Variants in DBNL observed in about 807,000 individuals in gnomAD.
The protein encoded by DBNL is drebrin-like protein.
In DBNL, 35 loss-of-function variants were observed where a neutral mutation model predicts 62.2. The ratio of observed to expected loss-of-function variants is 0.56; its 90% CI spans 0.43 to 0.75. The LOEUF (loss-of-function observed/expected upper bound fraction) is 0.75. Ranked by LOEUF, DBNL falls within the 30% of genes least tolerant of loss-of-function variation. DBNL has a pLI of 0.00. For synonymous variants in DBNL, 197 were observed against 218.0 expected (o/e 0.90, Z 0.85); for missense variants, 495 against 578.4 (o/e 0.86, Z 1.48).
At chr7:44,057,586 G>A (rs1367545929) in intron 5 of DBNL, among the ~76,000 whole-genome samples, 196 bp from the exon 6 acceptor site, 1 of 152,184 alleles carries the variant, frequency 6.6e-6, no homozygotes, top group Non-Finnish European at 1.5e-5. Flanking sequence ...TTGGGGCAGT[G>A]TCCTGGGCTT....
rs1276761172 is a variant in DBNL, at chr7:44,063,022, G to C, written c.*2106G>C. ...GTGACCTTTATGGTCCACAGAGCCA[G>C]TTCCCCTGGCACCAATTCCTTCCCA... On this transcript the variant is annotated 3_prime_UTR_variant, in exon 13 of 13. Transcript: ENST00000448521. 1.5e-6 allele frequency: 2 copies of C among 1,374,178 alleles called. No individual in the cohort carries two copies. Among genetic ancestry groups the C allele is most frequent in the Non-Finnish European group, 2.1e-6 (2 of 964,528 alleles). 85.1% of individuals were successfully genotyped at this position (1,374,178 alleles called of 1,614,324 possible).
Position 44,064,793 on chromosome 7 carries a change from G to GGGCCCCCCCCCCCCCCC in DBNL, c.*3877_*3878insGGCCCCCCCCCCCCCCC. On this transcript the variant is annotated 3_prime_UTR_variant, in exon 13 of 13. Coordinates refer to ENST00000448521, the MANE Select transcript of DBNL (RefSeq NM_001014436.3). ...AGATGAGAAGCCAGCTGGGGCTGCTGCCCACCCACCCTGCCCAGGCTCCTG... is the reference window on the plus strand; with the variant it reads ...AGATGAGAAGCCAGCTGGGGCTGCTGGGCCCCCCCCCCCCCCCCCCACCCACCCTGCCCAGGCTCCTG... 1.4e-5 allele frequency: 16 copies of GGGCCCCCCCCCCCCCCC among 1,136,952 alleles called. No individual in the cohort carries two copies. The highest frequency in any genetic ancestry group is 2.8e-4 in the Middle Eastern group (1 of 3,618). 70.4% of individuals were successfully genotyped at this position (1,136,952 alleles called of 1,614,324 possible).
chr7:44,044,897 G>T lies in DBNL; in HGVS notation c.83+77G>T, dbSNP rs577568977. ...TCTGTCTGGGGCGAGCGGGGGACTCGGGGGGAGCGGGAGCGCGAGCGCGGA... is the reference window on the plus strand; with the variant it reads ...TCTGTCTGGGGCGAGCGGGGGACTCTGGGGGAGCGGGAGCGCGAGCGCGGA... On this transcript the variant is annotated intron_variant, in intron 1 of 12. Transcript: ENST00000448521. 31 of 1,314,474 alleles carry T rather than the reference G, an allele frequency of 2.4e-5. No homozygotes were observed. The African/African-American group carries it at 3.7e-4, about 16-fold the overall frequency. 81.4% of individuals were successfully genotyped at this position (1,314,474 alleles called of 1,614,324 possible). A position where few individuals can be genotyped will look rare whatever the true frequency, so the allele number is the denominator to read the frequency against.
chr7:44,052,624 A>C (rs1204354082), intron 3 of DBNL, among the ~76,000 whole-genome samples: 1 of 152,056 alleles, frequency 6.6e-6, no homozygotes, highest in Non-Finnish European at 1.5e-5. Flanking sequence ...AAAAAAAAAA[A>C]AAAGAAAATT....
At position 44,063,705 on chromosome 7, in the gene DBNL, GC is replaced by G; in HGVS notation, c.*2793del. 1.3e-5 allele frequency: 2 copies of G among 154,282 alleles called. No homozygotes were observed. The highest frequency in any genetic ancestry group is 3.8e-4 in the East Asian group (2 of 5,200). 9.6% of individuals were successfully genotyped at this position (154,282 alleles called of 1,614,324 possible). A position where few individuals can be genotyped will look rare whatever the true frequency, so the allele number is the denominator to read the frequency against. The stretch of plus-strand genomic sequence containing the variant: ...AACCTGACCCTGCCTGCCTCCTGCA[GC>G]CCCTGAGCTGGGAATAGCAGCTCGA... On this transcript the variant is annotated 3_prime_UTR_variant, in exon 13 of 13. Transcript: ENST00000448521.
rs757132071 is a variant in DBNL, at chr7:44,065,458, G to T, written c.*4542G>T. On this transcript the variant is annotated 3_prime_UTR_variant, in exon 13 of 13. Transcript: ENST00000448521. ...TTTCACTCAGCTCTGCATCGAACCA[G>T]CCACAGAAACGGTTCTCCTGGTTCC... is the stretch of plus-strand genomic sequence containing the variant. 6.2e-7 allele frequency: 1 copy of T among 1,614,128 alleles called. No homozygotes were observed. Among genetic ancestry groups the T allele is most frequent in the Non-Finnish European group, 8.5e-7 (1 of 1,180,032 alleles).
At position 44,056,832 on chromosome 7, in the gene DBNL, G is replaced by T; in HGVS notation, c.403G>T (p.Ala135Ser). 3 of 1,614,142 alleles carry T rather than the reference G, an allele frequency of 1.9e-6. No homozygotes were observed. The East Asian group carries it at 6.7e-5, about 36-fold the overall frequency. The change falls in exon 5 of 13, where the codon GCT becomes TCT. Residue 135 changes from alanine to serine, a missense_variant. Ala to Ser is a moderately conservative substitution (Grantham distance 99, BLOSUM62 1). Coordinates refer to ENST00000448521, the MANE Select transcript of DBNL (RefSeq NM_001014436.3). ...GTGCATCATGGAGAAGGTGGCCAAGGCTTCAGGTGCCAACTACAGCTTTCA... is the reference window on the plus strand; with the variant it reads ...GTGCATCATGGAGAAGGTGGCCAAGTCTTCAGGTGCCAACTACAGCTTTCA... ...PECIMEKVAK[A>S]SGANYSFHKE...
rs1045015678 is a variant in DBNL, at chr7:44,066,723, G to C, written c.*5807G>C. 1 of 152,442 alleles carries C rather than the reference G, an allele frequency of 6.6e-6. No individual in the cohort carries two copies. The highest frequency in any genetic ancestry group is 1.5e-5 in the Non-Finnish European group (1 of 68,154). The allele number at this position is 152,442 out of a possible 1,614,324, so 9.4% of individuals were successfully genotyped here. ...GGGCTCCTGGCTTGGGGCCTGTGAA[G>C]CTAAGGCTCTGTACCCAAAGGTTGG... On this transcript the variant is annotated 3_prime_UTR_variant, in exon 13 of 13. Transcript: ENST00000448521.
chr7:44,045,740 G>C (rs28480521), intron 1 of DBNL, among the ~76,000 whole-genome samples: 22,814 of 152,212 alleles, frequency 0.15, 2,063 homozygotes, highest in African/African-American at 0.26. Context: ...TCTGCTCTCC[G>C]TAGTGCCCAG....
Position 44,050,297 on chromosome 7 carries a change from A to G in DBNL, c.139+17A>G. 6.2e-7 allele frequency: 1 copy of G among 1,612,940 alleles called. No homozygotes were observed. Among genetic ancestry groups the G allele is most frequent in the Non-Finnish European group, 8.5e-7 (1 of 1,179,190 alleles). On this transcript the variant is annotated intron_variant, in intron 2 of 12. Transcript: ENST00000448521. ...GCACAGGGGGTGAGTATGACTCCAA[A>G]TGGACTCAGGGACACCAGGAGGTAG...
In DBNL at chr7:44,049,861, A is replaced by G. The variant is rs139952733; in HGVS notation, c.84-364A>G. ...AGATATGTTTTGTCTCTTCAAATCCATATACCTAGTGGCCAGGTGAGTATT... is the reference window on the plus strand; with the variant it reads ...AGATATGTTTTGTCTCTTCAAATCCGTATACCTAGTGGCCAGGTGAGTATT... On this transcript the variant is annotated intron_variant, in intron 1 of 12. Coordinates refer to ENST00000448521, the MANE Select transcript of DBNL (RefSeq NM_001014436.3). The G allele has an allele frequency of 5.7e-4, 118 of 207,564 alleles. 1 individual carries two copies. The highest frequency in any genetic ancestry group is 2.6e-3 in the African/African-American group (112 of 43,760). The allele number at this position is 207,564 out of a possible 1,614,324, so 12.9% of individuals were successfully genotyped here. A position where few individuals can be genotyped will look rare whatever the true frequency, so the allele number is the denominator to read the frequency against.
rs2096145315 is a variant in DBNL at position 44,059,993 on chromosome 7, A to G, written c.1048-55A>G. The G allele has an allele frequency of 1.3e-6, 2 of 1,548,886 alleles. No homozygotes were observed. Among genetic ancestry groups the G allele is most frequent in the Non-Finnish European group, 1.8e-6 (2 of 1,130,402 alleles). ...TGACCTGAGCCATGTGGGGCAGAGC[A>G]GCGATTGTGTGTAAGGGCTGAGTCT... is the stretch of plus-strand genomic sequence containing the variant. On this transcript the variant is annotated intron_variant, in intron 11 of 12. Transcript: ENST00000448521. This position sits in a 1 kb window ranked among gnomAD's most constrained non-coding sequence, Gnocchi z 4.1.
In DBNL at chr7:44,065,247, G is replaced by A. The variant is rs1384082005; in HGVS notation, c.*4331G>A. Reference sequence around the variant, plus strand: ...GTTTCTGCCTTGTTGAGGCCTGTGAGGCCCCCGTAATGCCGCTCATTGAGG... The same window carrying A: ...GTTTCTGCCTTGTTGAGGCCTGTGAAGCCCCCGTAATGCCGCTCATTGAGG... On this transcript the variant is annotated 3_prime_UTR_variant, in exon 13 of 13. Coordinates refer to ENST00000448521, the MANE Select transcript of DBNL (RefSeq NM_001014436.3). The A allele has an allele frequency of 6.2e-7, 1 of 1,613,810 alleles. No homozygotes were observed. Among genetic ancestry groups the A allele is most frequent in the Non-Finnish European group, 8.5e-7 (1 of 1,180,062 alleles).
chr7:44,047,910 CTTTTTTTTTTTT>C (rs5883883), intron 1 of DBNL, among the ~76,000 whole-genome samples: 4 of 69,812 alleles, frequency 5.7e-5, no homozygotes, highest in African/African-American at 1.7e-4. Flanking sequence ...TGCTGAGTCC[CTTTTTTTTTTTT>C]TTTTTTTTTT....
Position 44,065,488 on chromosome 7 carries a change from GCT to G in DBNL, c.*4576_*4577del. ...AGAAACGGTTCTCCTGGTTCCATGT[GCT>G]CTCGCCGTGCCGGACCATCACGAGG... On this transcript the variant is annotated 3_prime_UTR_variant, in exon 13 of 13. Transcript: ENST00000448521. 6.2e-7 allele frequency: 1 copy of G among 1,614,056 alleles called. No homozygotes were observed. Among genetic ancestry groups the G allele is most frequent in the Non-Finnish European group, 8.5e-7 (1 of 1,180,024 alleles).
At chr7:44,047,421 T>G (rs1475118343) in intron 1 of DBNL, among the ~76,000 whole-genome samples, 1 of 152,182 alleles carries the variant, frequency 6.6e-6, no homozygotes, top group Admixed American at 6.5e-5. Context: ...GGAGCAACCA[T>G]GACATCAGCT....
At position 44,066,526 on chromosome 7, in the gene DBNL, G is replaced by A. The variant is rs1204268848; in HGVS notation, c.*5610G>A. 1 of 152,308 alleles carries A rather than the reference G, an allele frequency of 6.6e-6. No individual in the cohort carries two copies. The highest frequency in any genetic ancestry group is 2.4e-5 in the African/African-American group (1 of 41,466). The allele number at this position is 152,308 out of a possible 1,614,324, so 9.4% of individuals were successfully genotyped here. A position where few individuals can be genotyped will look rare whatever the true frequency, so the allele number is the denominator to read the frequency against. On this transcript the variant is annotated 3_prime_UTR_variant, in exon 13 of 13. Coordinates refer to ENST00000448521, the MANE Select transcript of DBNL (RefSeq NM_001014436.3). ...ACCCTTGGGCATGGGCCCCATCCAG[G>A]GCCTCCCATTTCCTCCCACCCCAGT...
rs2096133666 is a variant in DBNL, at chr7:44,055,028, A to C, written c.328-1729A>C. Reference sequence around the variant, plus strand: ...TATACTAAATTTTCTTTACCCTTTCATCCATTGATGGACGTTTTGGTTGAT... The same window carrying C: ...TATACTAAATTTTCTTTACCCTTTCCTCCATTGATGGACGTTTTGGTTGAT... On this transcript the variant is annotated intron_variant, in intron 4 of 12. Transcript: ENST00000448521. 2.6e-5 allele frequency among the ~76,000 whole-genome samples: 4 copies of C among 152,058 alleles called. No individual in the cohort carries two copies. The South Asian group carries it at 8.3e-4, about 31-fold the overall frequency.
chr7:44,046,189 C>G (rs1475028415), intron 1 of DBNL, among the ~76,000 whole-genome samples: 1 of 152,214 alleles, frequency 6.6e-6, no homozygotes, highest in Non-Finnish European at 1.5e-5. Flanking sequence ...CATCATACCA[C>G]TTGGCTTTAG....
Sources: gnomAD v4.1 joint callset for allele counts (sites outside exome capture counted in the v4.1 genomes callset) on GRCh38, gnomAD v4.1.1 for gene constraint, Gnocchi (gnomAD v3.1) non-coding constraint, MANE v1.5 for transcripts, NCBI Gene and HGNC (gene_info 2026-07-23, HGNC 2026-07-21) for gene names.